Variants in RNGTT observed in about 807,000 individuals in gnomAD.
RNGTT encodes the protein RNA guanylyltransferase and 5'-phosphatase, also known as mRNA-capping enzyme.
Under a neutral mutation model 79.3 loss-of-function variants are expected in RNGTT, and 33 were observed. The ratio of observed to expected loss-of-function variants is 0.42; its 90% CI spans 0.32 to 0.56. RNGTT has a LOEUF of 0.56. Among genes scored for constraint, RNGTT ranks in the 20% least tolerant of loss-of-function variants. RNGTT has a pLI of 0.17. For missense variants in RNGTT, 497 were observed against 739.1 expected (o/e 0.67, Z 3.80); for synonymous variants, 222 against 235.9 (o/e 0.94, Z 0.54).
chr6:88,900,809 G>T (rs1413313981), intron 6 of RNGTT, among the ~76,000 whole-genome samples: 4 of 141,128 alleles, frequency 2.8e-5, no homozygotes, highest in Admixed American at 7.0e-5. Context: ...AAAAGATAAA[G>T]AATATAAAAA....
intron 11 of RNGTT, among the ~76,000 whole-genome samples, chr6:88,831,280 T>C (rs538046886): frequency 2.0e-5 from 3 of 152,350 alleles, no homozygotes; most frequent in African/African-American, 7.2e-5. Context: ...CAAGGCTGGT[T>C]CAACATACGC....
At chr6:88,732,762 A>G (rs1777158496) in intron 13 of RNGTT, among the ~76,000 whole-genome samples, 1 of 152,166 alleles carries the variant, frequency 6.6e-6, no homozygotes, top group African/African-American at 2.4e-5. Context: ...AAAATCATAG[A>G]TGGAAAGTAG....
chr6:88,796,231 T>C (rs1240244412), intron 12 of RNGTT, among the ~76,000 whole-genome samples: 1 of 152,244 alleles, frequency 6.6e-6, no homozygotes, highest in East Asian at 1.9e-4. Context: ...CTTTTTTTCT[T>C]AATGTGGCAA....
intron 13 of RNGTT, among the ~76,000 whole-genome samples, chr6:88,764,708 T>C (rs565972180): frequency 2.0e-5 from 3 of 152,166 alleles, no homozygotes; most frequent in Non-Finnish European, 4.4e-5. Context: ...AGAATACAAC[T>C]ATGTAGAAGA....
chr6:88,895,772 T>A (rs550030979), intron 6 of RNGTT, among the ~76,000 whole-genome samples: 134 of 152,296 alleles, frequency 8.8e-4, no homozygotes, highest in African/African-American at 3.2e-3. Flanking sequence ...GTGCTTCTCA[T>A]CCCTGTCAAC....
chr6:88,700,630 AAG>A (rs371011922), intron 13 of RNGTT, among the ~76,000 whole-genome samples: 1 of 152,078 alleles, frequency 6.6e-6, no homozygotes, highest in East Asian at 1.9e-4. Flanking sequence ...AATCCATCCT[AAG>A]AGAGATGATT....
chr6:88,869,574 T>C (rs1191378971), intron 8 of RNGTT, among the ~76,000 whole-genome samples: 1 of 152,134 alleles, frequency 6.6e-6, no homozygotes, highest in Non-Finnish European at 1.5e-5. Flanking sequence ...CCTTGGGATC[T>C]ATCTAAACTG....
At chr6:88,743,972 A>T (rs7738050) in intron 13 of RNGTT, among the ~76,000 whole-genome samples, 20,924 of 152,198 alleles carry the variant, frequency 0.14, 1,572 homozygotes, top group Middle Eastern at 0.24. Context: ...ATGATAAATA[A>T]AAATGGCTTA....
intron 8 of RNGTT, among the ~76,000 whole-genome samples, chr6:88,887,856 C>T (rs1009969483): frequency 1.5e-4 from 23 of 152,214 alleles, no homozygotes; most frequent in Non-Finnish European, 1.5e-5. Flanking sequence ...TGGCTCATGC[C>T]TGTAATCCTA....
intron 13 of RNGTT, among the ~76,000 whole-genome samples, chr6:88,704,266 A>AC (rs1263840813): frequency 0.034 from 4,297 of 126,792 alleles, 333 homozygotes; most frequent in African/African-American, 0.13. Context: ...TCTCAAAAAA[A>AC]AAAAAAAAAA....
chr6:88,623,474 C>T (rs1772513206), intron 14 of RNGTT, among the ~76,000 whole-genome samples: 1 of 152,010 alleles, frequency 6.6e-6, no homozygotes, highest in African/African-American at 2.4e-5. Flanking sequence ...ATCTTGGTGT[C>T]CTCCTGATCC....
intron 1 of RNGTT, among the ~76,000 whole-genome samples, chr6:88,949,626 C>G (rs909257448): frequency 6.6e-6 from 1 of 152,070 alleles, no homozygotes; most frequent in Non-Finnish European, 1.5e-5. Context: ...ATCAAACCAG[C>G]CACAACATTT....
At chr6:88,660,540 C>T (rs765849137) in intron 14 of RNGTT, among the ~76,000 whole-genome samples, 1 of 104,504 alleles carries the variant, frequency 9.6e-6, no homozygotes, top group Admixed American at 8.2e-5. Flanking sequence ...GACTTTAAAG[C>T]AACAATGGTA....
intron 13 of RNGTT, among the ~76,000 whole-genome samples, chr6:88,689,000 TTGAC>T (rs1237162322): frequency 2.0e-5 from 3 of 152,240 alleles, no homozygotes; most frequent in Non-Finnish European, 4.4e-5. Flanking sequence ...TACATGTTAA[TTGAC>T]TGTGTATGTT....
chr6:88,887,928 C>A (rs959525797), intron 8 of RNGTT, among the ~76,000 whole-genome samples: 5 of 152,010 alleles, frequency 3.3e-5, no homozygotes, highest in African/African-American at 1.2e-4. Flanking sequence ...CCAGCCTGGG[C>A]AACATGGCAA....
chr6:88,768,945 C>T (rs1448733113), intron 13 of RNGTT, among the ~76,000 whole-genome samples: 1 of 151,950 alleles, frequency 6.6e-6, no homozygotes, highest in Non-Finnish European at 1.5e-5. Flanking sequence ...GTTAACTTAC[C>T]CTACAAAAGT....
rs564007121 is a variant in RNGTT at position 88,698,191 on chromosome 6, AAT to A, written c.1440-19774_1440-19773del. 2.1e-3 allele frequency among the ~76,000 whole-genome samples: 222 copies of A among 103,900 alleles called. 16 individuals carry two copies. The highest frequency in any genetic ancestry group is 0.012 in the South Asian group (46 of 3,756). The allele number at this position is 103,900 out of a possible 152,430, so 68.2% of individuals were successfully genotyped here. On this transcript the variant is annotated intron_variant, in intron 13 of 15. Coordinates refer to ENST00000369485, the MANE Select transcript of RNGTT (RefSeq NM_003800.5). ...TGACATATATATGATATATATATGA[AAT>A]ATATATGATATATATGAAATATATA...
At position 88,630,161 on chromosome 6, in the gene RNGTT, T is replaced by TG. The variant is rs1382583429; in HGVS notation, c.1507-15767dup. On this transcript the variant is annotated intron_variant, in intron 14 of 15. Transcript: ENST00000369485. ...GACAATGCAGGAAGGATGTTTGTTT[T>TG]GGGGGTTTATTCAAAATTGGAGAAA... is the stretch of plus-strand genomic sequence containing the variant. Among the ~76,000 whole-genome samples, 4 of 152,172 alleles carry TG rather than the reference T, an allele frequency of 2.6e-5. No homozygotes were observed. In the East Asian group the frequency reaches 7.7e-4, roughly 29 times the overall value.
chr6:88,620,211 A>G (rs1333313146), intron 14 of RNGTT, among the ~76,000 whole-genome samples: 1 of 152,242 alleles, frequency 6.6e-6, no homozygotes, highest in Non-Finnish European at 1.5e-5. Flanking sequence ...TGGTGTCTTC[A>G]TGCCCTTCAG....
Sources: allele counts gnomAD v4.1 joint callset (sites outside exome capture counted in the v4.1 genomes callset), GRCh38; gene constraint gnomAD v4.1.1; transcripts MANE v1.5; gene names NCBI Gene and HGNC (gene_info 2026-07-23, HGNC 2026-07-21).